Variants in ZC3H12B observed in about 807,000 individuals in gnomAD.
ZC3H12B encodes probable ribonuclease ZC3H12B.
A neutral mutation model predicts 43.9 loss-of-function variants in ZC3H12B; 7 were observed. The observed-to-expected ratio is 0.16, with a 90% confidence interval of 0.09 to 0.30. ZC3H12B has a LOEUF of 0.30. Among genes scored for constraint, ZC3H12B ranks in the 10% least tolerant of loss-of-function variants. The probability of loss-of-function intolerance (pLI) is 1.00; values close to 1 mark genes in which losing one functional copy is unlikely to be tolerated. For synonymous variants in ZC3H12B, 222 were observed against 241.7 expected, an observed-to-expected ratio of 0.92 and a Z score of 0.76; for missense variants, 475 against 670.2, an observed-to-expected ratio of 0.71 and a Z score of 3.22.
chrX:65,302,043 G>T, the ZC3H12B span, among the ~76,000 whole-genome samples: 1 of 110,559 alleles, frequency 9.0e-6, no homozygotes, highest in East Asian at 2.8e-4. Context: ...TCTGAAAAAT[G>T]TACAAGAAAC....
the ZC3H12B span, among the ~76,000 whole-genome samples, chrX:65,049,923 TC>T: frequency 9.0e-6 from 1 of 111,717 alleles, no homozygotes; most frequent in African/African-American, 3.2e-5. Context: ...TATGTTTTTA[TC>T]TCTATAAAAT....
chrX:65,332,315 A>G, the ZC3H12B span, among the ~76,000 whole-genome samples: 1 of 111,038 alleles, frequency 9.0e-6, no homozygotes, highest in Non-Finnish European at 1.9e-5. Flanking sequence ...AAGCATCGGT[A>G]TGTCCAGGGG....
At chrX:65,379,258 C>T (rs189760552) in intron 2 of ZC3H12B, among the ~76,000 whole-genome samples, 157 of 111,835 alleles carry the variant, frequency 1.4e-3, no homozygotes, top group Middle Eastern at 4.6e-3. Context: ...AGCTGGAGAT[C>T]CGAGAAAGGG....
At chrX:65,288,408 T>C in the ZC3H12B span, among the ~76,000 whole-genome samples, 1 of 111,681 alleles carries the variant, frequency 9.0e-6, no homozygotes. Context: ...AAATTCTGAG[T>C]AAAGTACTAG....
the ZC3H12B span, among the ~76,000 whole-genome samples, chrX:65,108,026 G>A: frequency 2.7e-5 from 3 of 111,168 alleles, no homozygotes; most frequent in Non-Finnish European, 5.7e-5. Flanking sequence ...CATAGAAAAT[G>A]GACAGTAAAA....
chrX:65,226,992 G>A, the ZC3H12B span, among the ~76,000 whole-genome samples: 1 of 110,723 alleles, frequency 9.0e-6, no homozygotes, highest in Non-Finnish European at 1.9e-5. Flanking sequence ...AAGTTAGCAA[G>A]GATACCCAGG....
the ZC3H12B span, among the ~76,000 whole-genome samples, chrX:65,096,536 T>A: frequency 8.9e-6 from 1 of 111,816 alleles, no homozygotes; most frequent in Non-Finnish European, 1.9e-5. Flanking sequence ...GGCCTGTTAA[T>A]AGACTGGGTA....
chrX:65,222,721 A>T, the ZC3H12B span, among the ~76,000 whole-genome samples: 1 of 110,171 alleles, frequency 9.1e-6, no homozygotes, highest in Non-Finnish European at 1.9e-5. Flanking sequence ...AACACTATTG[A>T]AAGAAATCAT....
chrX:65,440,771 A>G (rs2067291594), intron 3 of ZC3H12B, among the ~76,000 whole-genome samples: 1 of 112,428 alleles, frequency 8.9e-6, no homozygotes, highest in Non-Finnish European at 1.9e-5. Context: ...AAGTCAGTTA[A>G]CATTCTTCAT....
At chrX:65,252,711 C>G in the ZC3H12B span, among the ~76,000 whole-genome samples, 1 of 111,804 alleles carries the variant, frequency 8.9e-6, no homozygotes, top group Non-Finnish European at 1.9e-5. Context: ...TGATCTAATA[C>G]AGATCTTTTT....
At chrX:65,472,454 T>G (rs901307812) in intron 3 of ZC3H12B, among the ~76,000 whole-genome samples, 6 of 110,059 alleles carry the variant, frequency 5.5e-5, no homozygotes, top group Non-Finnish European at 1.1e-4. Flanking sequence ...TGTCTACTTT[T>G]GGTTTTGTTG....
intron 2 of ZC3H12B, among the ~76,000 whole-genome samples, chrX:65,391,885 C>A (rs777351466): frequency 9.0e-6 from 1 of 111,302 alleles, no homozygotes; most frequent in South Asian, 3.8e-4. Context: ...CCTGCCTCAG[C>A]CTGCCAAGTG....
intron 3 of ZC3H12B, among the ~76,000 whole-genome samples, chrX:65,442,543 A>G (rs1003855294): frequency 3.6e-5 from 4 of 111,412 alleles, no homozygotes; most frequent in African/African-American, 1.3e-4. Flanking sequence ...GCTGGTCTGC[A>G]GTTATATTAA....
intron 3 of ZC3H12B, among the ~76,000 whole-genome samples, chrX:65,452,067 G>C (rs192960952): frequency 6.9e-4 from 77 of 111,885 alleles, no homozygotes; most frequent in African/African-American, 2.3e-3. Context: ...TAAGGAAAAA[G>C]TGAATACTCC....
intron 2 of ZC3H12B, among the ~76,000 whole-genome samples, chrX:65,383,737 G>T (rs1175764998): frequency 9.0e-6 from 1 of 110,781 alleles, no homozygotes; most frequent in East Asian, 2.8e-4. Flanking sequence ...AATCTACAAT[G>T]AACTCAAACA....
chrX:65,193,261 A>T, the ZC3H12B span, among the ~76,000 whole-genome samples: 1 of 110,907 alleles, frequency 9.0e-6, no homozygotes, highest in East Asian at 2.8e-4. Flanking sequence ...ATGTTTGGTG[A>T]GATTCAGCAG....
chrX:65,194,922 C>T, the ZC3H12B span, among the ~76,000 whole-genome samples: 10 of 111,363 alleles, frequency 9.0e-5, no homozygotes, highest in Admixed American at 9.5e-4. Flanking sequence ...ATATAGTGAC[C>T]GTCTTTATCT....
At chrX:65,470,613 A>G (rs1027164599) in intron 3 of ZC3H12B, among the ~76,000 whole-genome samples, 7 of 110,010 alleles carry the variant, frequency 6.4e-5, no homozygotes, top group African/African-American at 2.0e-4. Flanking sequence ...CCCTGATTTT[A>G]TTCGAAGAAA....
intron 3 of ZC3H12B, among the ~76,000 whole-genome samples, chrX:65,433,577 T>A (rs777468066): frequency 2.7e-5 from 3 of 111,729 alleles, no homozygotes; most frequent in Admixed American, 9.5e-5. Flanking sequence ...AAAACTCGAT[T>A]GATTTCCTGA....
Sources: gnomAD v4.1 joint callset for allele counts (sites outside exome capture counted in the v4.1 genomes callset) on GRCh38, gnomAD v4.1.1 for gene constraint, MANE v1.5 for transcripts, NCBI Gene and HGNC (gene_info 2026-07-23, HGNC 2026-07-21) for gene names.